LMAN2: variants seen among roughly 807,000 people sequenced by gnomAD.
LMAN2 encodes the protein lectin, mannose binding 2, also known as vesicular integral-membrane protein VIP36.
In LMAN2, 22 loss-of-function variants were observed where a neutral mutation model predicts 39.3. The observed-to-expected ratio is 0.56, with a 90% CI of 0.40 to 0.80. LMAN2 has a LOEUF of 0.80. LMAN2 is among the 30% of genes least tolerant of loss of function. The pLI is 0.00. For missense variants in LMAN2, 494 were observed against 505.4 expected, an observed-to-expected ratio of 0.98 and a Z score of 0.22; for synonymous variants, 207 against 207.8, an observed-to-expected ratio of 1.00 and a Z score of 0.03.
chr5:177,334,526 C>T, intron 6 of LMAN2, 123 bp from the exon 7 acceptor site: 1 of 1,359,442 alleles, frequency 7.4e-7, no homozygotes, highest in Non-Finnish European at 9.8e-7. Flanking sequence ...CTGGGGAGAG[C>T]ACTGCCCAGC....
intron 2 of LMAN2, among the ~76,000 whole-genome samples, chr5:177,345,813 G>A (rs148289483): frequency 6.6e-6 from 1 of 151,882 alleles, no homozygotes; most frequent in Admixed American, 6.6e-5. Flanking sequence ...TGTCGCCCAG[G>A]CTGGAGTGCA....
At position 177,351,311 on chromosome 5, in the gene LMAN2, C is replaced by CT; in HGVS notation, c.197-21dup. The CT allele has an allele frequency of 6.2e-7, 1 of 1,613,054 alleles. No homozygotes were observed. Among genetic ancestry groups the CT allele is most frequent in the East Asian group, 2.2e-5 (1 of 44,886 alleles). On this transcript the variant is annotated intron_variant, in intron 1 of 7. Coordinates refer to ENST00000303127, the MANE Select transcript of LMAN2 (RefSeq NM_006816.3). ...CGACCCCTGTGGGAAGAGACAGGTG[C>CT]TAAGAGGCCACGCCAGGACTGGCCT...
chr5:177,346,071 C>T (rs1224115486), intron 2 of LMAN2: 1 of 152,610 alleles, frequency 6.6e-6, no homozygotes, highest in African/African-American at 2.4e-5. Context: ...CCCGGCCCAC[C>T]CACGGCTTTA....
At position 177,332,027 on chromosome 5, in the gene LMAN2, A is replaced by T. The variant is rs1761392152; in HGVS notation, c.*59T>A. 4 of 1,116,630 alleles carry T rather than the reference A, an allele frequency of 3.6e-6. No individual in the cohort carries two copies. Among genetic ancestry groups the T allele is most frequent in the Non-Finnish European group, 4.9e-6 (4 of 810,816 alleles). The allele number at this position is 1,116,630 out of a possible 1,614,324, so 69.2% of individuals were successfully genotyped here. On this transcript the variant is annotated 3_prime_UTR_variant, in exon 8 of 8. Coordinates refer to ENST00000303127, the MANE Select transcript of LMAN2 (RefSeq NM_006816.3). This position sits in a 1 kb window ranked among gnomAD's most constrained non-coding sequence, Gnocchi z 6.3. ...CTTGTTGTTCTTTTATAATCCCGGT[A>T]AAAAAAAAAGTTCACATTGGCTCCT...
At chr5:177,343,685 A>G (rs1294536782) in intron 2 of LMAN2, among the ~76,000 whole-genome samples, 1 of 147,138 alleles carries the variant, frequency 6.8e-6, no homozygotes, top group African/African-American at 2.6e-5. Context: ...AATAAGTCAA[A>G]GAAGACAAAT....
intron 7 of LMAN2, among the ~76,000 whole-genome samples, chr5:177,333,519 T>C (rs909129862): frequency 1.3e-5 from 2 of 152,306 alleles, no homozygotes; most frequent in Middle Eastern, 3.4e-3. Flanking sequence ...AACTGTCACA[T>C]AAAACACTGG....
intron 2 of LMAN2, among the ~76,000 whole-genome samples, chr5:177,341,064 C>CTT (rs1298735934): frequency 9.2e-5 from 10 of 108,940 alleles, no homozygotes; most frequent in Non-Finnish European, 1.4e-4. Flanking sequence ...CTTTTTTTTT[C>CTT]TTTTTTTTTT....
intron 2 of LMAN2, among the ~76,000 whole-genome samples, 175 bp downstream of exon 2, chr5:177,350,998 A>G (rs1761713536): frequency 6.6e-6 from 1 of 152,226 alleles, no homozygotes; most frequent in Non-Finnish European, 1.5e-5. Flanking sequence ...AGCTCCTGAC[A>G]CATAGTAAGT....
At chr5:177,346,672 C>CTT (rs934558836) in intron 2 of LMAN2, among the ~76,000 whole-genome samples, 1 of 145,034 alleles carries the variant, frequency 6.9e-6, no homozygotes, top group Non-Finnish European at 1.5e-5. Context: ...TTTTTTAACA[C>CTT]TTTTTTTTTT....
In LMAN2 at chr5:177,346,224, A is replaced by G. The variant is rs940917735; in HGVS notation, c.315+4949T>C. The G allele has an allele frequency of 3.7e-5, 7 of 191,372 alleles. No individual in the cohort carries two copies. The South Asian group carries it at 8.3e-4, about 23-fold the overall frequency. The allele number at this position is 191,372 out of a possible 1,614,324, so 11.9% of individuals were successfully genotyped here. On this transcript the variant is annotated intron_variant, in intron 2 of 7. Transcript: ENST00000303127. ...CAAAGGAAAAGAATCTCAAAGTGAA[A>G]AGACCAGCTGGAACGCCTATCAAGG... is the stretch of plus-strand genomic sequence containing the variant.
chr5:177,334,986 C>T (rs1761447266), intron 6 of LMAN2, among the ~76,000 whole-genome samples: 1 of 152,226 alleles, frequency 6.6e-6, no homozygotes, highest in Non-Finnish European at 1.5e-5. Flanking sequence ...TGGGGAAAGG[C>T]TCTGTCCAAT....
In LMAN2 at chr5:177,331,798, A is replaced by G. The variant is rs557985654; in HGVS notation, c.*288T>C. The G allele has an allele frequency of 3.2e-6, 1 of 311,590 alleles. No homozygotes were observed. Among genetic ancestry groups the G allele is most frequent in the African/African-American group, 2.1e-5 (1 of 47,234 alleles). The allele number at this position is 311,590 out of a possible 1,614,324, so 19.3% of individuals were successfully genotyped here. Reference sequence around the variant, plus strand: ...TGGTCCGGGGGACCCTCCAGTGTTCAACAGCTGCCTGCAGGGGCCACAGCC... The same window carrying G: ...TGGTCCGGGGGACCCTCCAGTGTTCGACAGCTGCCTGCAGGGGCCACAGCC... On this transcript the variant is annotated 3_prime_UTR_variant, in exon 8 of 8. Coordinates refer to ENST00000303127, the MANE Select transcript of LMAN2 (RefSeq NM_006816.3).
At chr5:177,350,446 C>CACATACT (rs564682057) in intron 2 of LMAN2, among the ~76,000 whole-genome samples, 51 of 152,146 alleles carry the variant, frequency 3.4e-4, no homozygotes, top group Non-Finnish European at 6.6e-4. Context: ...GGCCACTGCT[C>CACATACT]ACATACTACA....
chr5:177,334,657 G>A (rs1761443277), intron 6 of LMAN2: 1 of 406,664 alleles, frequency 2.5e-6, no homozygotes, highest in Non-Finnish European at 4.5e-6. Context: ...CTAAATCCTG[G>A]GGTCTGCCGC....
chr5:177,344,501 TG>T (rs768627826), intron 2 of LMAN2, among the ~76,000 whole-genome samples: 4 of 151,168 alleles, frequency 2.6e-5, no homozygotes, highest in Non-Finnish European at 5.9e-5. Flanking sequence ...AGGATGGTCT[TG>T]ATCTCCTGAC....
At position 177,351,496 on chromosome 5, in the gene LMAN2, C is replaced by G; in HGVS notation, c.152G>C (p.Ser51Thr). 1.2e-6 allele frequency: 2 copies of G among 1,614,192 alleles called. No homozygotes were observed. Among genetic ancestry groups the G allele is most frequent in the Non-Finnish European group, 1.7e-6 (2 of 1,180,008 alleles). ...CGAATGCTCCCGCTTGAGATGTTCA[C>G]TGTTGCCGTCAGTTATATCCGCAGT... ...SVTADITDGNSEHLKREHSLI... is the reference protein window; with the variant it reads ...SVTADITDGNTEHLKREHSLI... The change falls in exon 1 of 8, where the codon AGT (serine) becomes ACT (threonine). Residue 51 changes from serine to threonine, a missense_variant. Physicochemically the swap from Ser to Thr is moderately conservative, Grantham distance 58. Transcript: ENST00000303127.
In LMAN2 at chr5:177,337,497, C is replaced by T; in HGVS notation, c.541G>A (p.Val181Met). The T allele has an allele frequency of 6.2e-7, 1 of 1,614,140 alleles. No individual in the cohort carries two copies. Among genetic ancestry groups the T allele is most frequent in the Non-Finnish European group, 8.5e-7 (1 of 1,180,034 alleles). ...TCGTAGGACAGGGAGCCATTGTTCA[C>T]CATCACCGAGATGTACGGGAACACG... ...ERVFPYISVMVNNGSLSYDHS... is the reference protein window; with the variant it reads ...ERVFPYISVMMNNGSLSYDHS... The change falls in exon 5 of 8, where the codon GTG becomes ATG. Residue 181 changes from valine (V) to methionine (M), a missense_variant. Val to Met is a conservative substitution (Grantham distance 21). Transcript: ENST00000303127. This position sits in a 1 kb window ranked among gnomAD's most constrained non-coding sequence, Gnocchi z 8.2.
rs117000711 is a variant in LMAN2 at position 177,334,140 on chromosome 5, C to T, written c.910+144G>A. On this transcript the variant is annotated intron_variant, in intron 7 of 7. Transcript: ENST00000303127. ...GGAGCTCGGACAGGGCCAGCCAGTG[C>T]CGCTTGCCAGGACCGGGCTGATCCA... 185 of 1,375,448 alleles carry T rather than the reference C, an allele frequency of 1.3e-4. 1 individual carries two copies. The East Asian group carries it at 3.5e-3, about 26-fold the overall frequency. 85.2% of individuals were successfully genotyped at this position (1,375,448 alleles called of 1,614,324 possible). A position where few individuals can be genotyped will look rare whatever the true frequency, so the allele number is the denominator to read the frequency against.
In LMAN2 at chr5:177,351,247, T is replaced by C; in HGVS notation, c.241A>G (p.Thr81Ala). The change falls in exon 2 of 8, where the codon ACT becomes GCT. Residue 81 changes from threonine to alanine, a missense_variant. Physicochemically the swap from Thr to Ala is moderately conservative, Grantham distance 58. Transcript: ENST00000303127. ...CGTACGTACTGGCTCGTGAGCATAG[T>C]GCTGCCCTGGAAGTCCCAGAGGGGC... ...SMPLWDFQGS[T>A]MLTSQYVRLT... 1 of 1,614,128 alleles carries C rather than the reference T, an allele frequency of 6.2e-7. No individual in the cohort carries two copies. The highest frequency in any genetic ancestry group is 8.5e-7 in the Non-Finnish European group (1 of 1,180,032).
Sources: allele counts gnomAD v4.1 joint callset (sites outside exome capture counted in the v4.1 genomes callset), GRCh38; gene constraint gnomAD v4.1.1; non-coding constraint Gnocchi (gnomAD v3.1); transcripts MANE v1.5; gene names NCBI Gene and HGNC (gene_info 2026-07-23, HGNC 2026-07-21).